The following TM6SF1 variants were observed in gnomAD, a reference collection of about 807,000 sequenced individuals.
The protein encoded by TM6SF1 is transmembrane 6 superfamily member 1.
TM6SF1 carries 43 observed loss-of-function variants against 47.1 expected under a neutral mutation model. That is an observed-to-expected ratio of 0.91 (90% confidence interval 0.72 to 1.18). The LOEUF is 1.18. TM6SF1 is among the 50% of genes most tolerant of loss of function. The probability of loss-of-function intolerance (pLI) is 0.00; values close to 1 mark genes in which losing one functional copy is unlikely to be tolerated. For synonymous variants in TM6SF1, 177 were observed against 166.3 expected, an observed-to-expected ratio of 1.06 and a Z score of -0.49; for missense variants, 390 against 449.0, an observed-to-expected ratio of 0.87 and a Z score of 1.19.
chr15:83,126,755 A>G lies in TM6SF1; in HGVS notation c.709A>G (p.Ile237Val). 2 of 1,610,364 alleles carry G rather than the reference A, an allele frequency of 1.2e-6. No homozygotes were observed. The highest frequency in any genetic ancestry group is 2.2e-5 in the East Asian group (1 of 44,782). ...ATAATGAGTTTATTTTTGTCCTTAG[A>G]TTGCTTTGGATTGCCCATCTGAGCT... Reference protein sequence around the residue: ...ATGFCLFRGLIALDCPSELCR... With the variant: ...ATGFCLFRGLVALDCPSELCR... Residue 237 changes from isoleucine (I) to valine (V), a missense_variant and splice_region_variant, in exon 8 of 10, where the codon ATT becomes GTT. Physicochemically the swap from Ile to Val is conservative, Grantham distance 29 (BLOSUM62 3). Transcript: ENST00000322019.
In TM6SF1 at chr15:83,113,244, C is replaced by A. The variant is rs146817131; in HGVS notation, c.196+344C>A. ...TCAGCCTGCTACTAGCAGTCCCCCC[C>A]ACTTAGTGCAGAACTTAACTGTGTG... On this transcript the variant is annotated intron_variant, in intron 2 of 9. Transcript: ENST00000322019. 46 of 377,350 alleles carry A rather than the reference C, an allele frequency of 1.2e-4. 1 individual carries two copies. The highest frequency in any genetic ancestry group is 4.0e-4 in the South Asian group (15 of 37,538). 23.4% of individuals were successfully genotyped at this position (377,350 alleles called of 1,614,324 possible).
At chr15:83,113,244 C>G (rs146817131) in intron 2 of TM6SF1, 47 of 377,350 alleles carry the variant, frequency 1.2e-4, no homozygotes, top group African/African-American at 6.9e-4. Flanking sequence ...CAGTCCCCCC[C>G]ACTTAGTGCA....
chr15:83,111,579 A>G (rs1018962702), intron 1 of TM6SF1: 4 of 978,782 alleles, frequency 4.1e-6, no homozygotes, highest in East Asian at 1.1e-4. Flanking sequence ...CTCCTAGGGG[A>G]CGGTGATAGT....
Position 83,122,843 on chromosome 15 carries a change from A to C in TM6SF1, c.568A>C (p.Asn190His), listed in dbSNP as rs781606916. The C allele has an allele frequency of 5.6e-6, 9 of 1,613,946 alleles. No homozygotes were observed. Among genetic ancestry groups the C allele is most frequent in the Non-Finnish European group, 7.6e-6 (9 of 1,179,994 alleles). The change falls in exon 6 of 10, where the codon AAT becomes CAT. Residue 190 changes from asparagine (N) to histidine (H), a missense_variant. By Grantham distance (68) the Asn-to-His change is moderately conservative. Coordinates refer to ENST00000322019, the MANE Select transcript of TM6SF1 (RefSeq NM_023003.5). ...LPVWAGFRIY[N>H]QPSENYNYPS... ...TGTCTGGGCTGGTTTCAGAATCTAT[A>C]ATCAGCCATCAGAAAATTATAATTA...
intron 9 of TM6SF1, chr15:83,133,347 C>T (rs1239531526): frequency 1.3e-5 from 2 of 152,226 alleles, no homozygotes; most frequent in African/African-American, 4.8e-5. Context: ...CTTTCAGTTC[C>T]TCCTTGTGGA....
intron 3 of TM6SF1, among the ~76,000 whole-genome samples, chr15:83,117,730 T>C (rs1210649014): frequency 1.3e-5 from 2 of 151,354 alleles, no homozygotes; most frequent in Non-Finnish European, 2.9e-5. Flanking sequence ...AGAGAGGAGA[T>C]GGGGCTTGGT....
chr15:83,117,913 C>A (rs2034823429), intron 3 of TM6SF1, among the ~76,000 whole-genome samples: 1 of 151,986 alleles, frequency 6.6e-6, no homozygotes, highest in South Asian at 2.1e-4. Context: ...ACACTGAGGG[C>A]TAGACCTAAT....
chr15:83,112,558 AGAG>A (rs2034284824), intron 1 of TM6SF1, among the ~76,000 whole-genome samples: 1 of 152,128 alleles, frequency 6.6e-6, no homozygotes, highest in South Asian at 2.1e-4. Context: ...AGACAGGATA[AGAG>A]GAGAATGAGG....
chr15:83,119,107 G>A (rs1189032171), intron 3 of TM6SF1, among the ~76,000 whole-genome samples: 3 of 152,198 alleles, frequency 2.0e-5, no homozygotes, highest in Non-Finnish European at 2.9e-5. Flanking sequence ...CTATGTGTCA[G>A]TATGTGGGGA....
At chr15:83,134,764 A>G (rs915383498) in intron 9 of TM6SF1, 1 of 152,246 alleles carries the variant, frequency 6.6e-6, no homozygotes, top group Non-Finnish European at 1.5e-5. Context: ...GATTTCTGAG[A>G]ACCAGGGATC....
chr15:83,132,272 C>T (rs1596528775), intron 9 of TM6SF1: 1 of 152,128 alleles, frequency 6.6e-6, no homozygotes, highest in Non-Finnish European at 1.5e-5. Context: ...TATGTTGTTC[C>T]GAAGATTAAC....
intron 2 of TM6SF1, chr15:83,113,302 A>G: frequency 4.7e-6 from 1 of 213,308 alleles, no homozygotes; most frequent in Non-Finnish European, 9.6e-6. Flanking sequence ...ATGAAGAGGA[A>G]AATAATGGAA....
chr15:83,117,307 T>C (rs1302659987), intron 3 of TM6SF1, among the ~76,000 whole-genome samples: 1 of 152,124 alleles, frequency 6.6e-6, no homozygotes, highest in East Asian at 1.9e-4. Flanking sequence ...GAGTTTCAGA[T>C]GCTGGCAGGG....
chr15:83,130,553 C>T (rs2036157823), intron 9 of TM6SF1: 1 of 152,264 alleles, frequency 6.6e-6, no homozygotes, highest in African/African-American at 2.4e-5. Context: ...GGATGTTTCT[C>T]CCAGCCCAGC....
intron 3 of TM6SF1, among the ~76,000 whole-genome samples, chr15:83,118,744 G>A (rs1200321131): frequency 1.3e-5 from 2 of 152,146 alleles, no homozygotes; most frequent in Non-Finnish European, 2.9e-5. Flanking sequence ...CAGCATGAAC[G>A]TGGGAGAAAG....
intron 7 of TM6SF1, among the ~76,000 whole-genome samples, chr15:83,126,503 T>TA (rs570614479): frequency 9.6e-4 from 146 of 152,314 alleles, no homozygotes; most frequent in African/African-American, 3.4e-3. Flanking sequence ...CCTAGATACT[T>TA]AAACTCTGAA....
At chr15:83,136,240 TAA>T (rs2036599201) in intron 9 of TM6SF1, 1 of 353,814 alleles carries the variant, frequency 2.8e-6, no homozygotes, top group African/African-American at 2.1e-5. Flanking sequence ...AAAACTACAC[TAA>T]ATAATATCTA....
Position 83,111,763 on chromosome 15 carries a change from GAGTAT to G in TM6SF1, c.93-1033_93-1029del, listed in dbSNP as rs2034205867. The G allele has an allele frequency of 6.0e-6, 5 of 837,244 alleles. No homozygotes were observed. The African/African-American group carries it at 7.3e-5, about 12-fold the overall frequency. The allele number at this position is 837,244 out of a possible 1,614,324, so 51.9% of individuals were successfully genotyped here. A position where few individuals can be genotyped will look rare whatever the true frequency, so the allele number is the denominator to read the frequency against. ...GTCAGTGCTGGAGGTGTGAGAGGGA[GAGTAT>G]TGCTGTTGGACTGCAGGAGAACTCC... On this transcript the variant is annotated intron_variant, in intron 1 of 9. Transcript: ENST00000322019.
chr15:83,132,644 T>C (rs1236924245), intron 9 of TM6SF1: 2 of 152,154 alleles, frequency 1.3e-5, no homozygotes, highest in Non-Finnish European at 2.9e-5. Context: ...CCCTCCCGCC[T>C]TGGCATCCCA....
Sources: allele counts gnomAD v4.1 joint callset (sites outside exome capture counted in the v4.1 genomes callset), GRCh38; gene constraint gnomAD v4.1.1; transcripts MANE v1.5; gene names NCBI Gene and HGNC (gene_info 2026-07-23, HGNC 2026-07-21).